ASIC2: variants seen among roughly 807,000 people sequenced by gnomAD.
The protein encoded by ASIC2 is acid sensing ion channel subunit 2, also known as acid-sensing ion channel 2.
In ASIC2, 25 loss-of-function variants were observed where a neutral mutation model predicts 57.3. The observed-to-expected ratio is 0.44, with a 90% CI of 0.32 to 0.61. The LOEUF is 0.61. Among genes scored for constraint, ASIC2 ranks in the 20% least tolerant of loss-of-function variants. ASIC2 has a pLI of 0.06. For missense variants in ASIC2, 641 were observed against 738.1 expected, an observed-to-expected ratio of 0.87 and a Z score of 1.52; for synonymous variants, 319 against 307.5, an observed-to-expected ratio of 1.04 and a Z score of -0.39.
At chr17:34,048,870 T>C (rs1908436381) in intron 1 of ASIC2, among the ~76,000 whole-genome samples, 2 of 152,254 alleles carry the variant, frequency 1.3e-5, no homozygotes, top group South Asian at 4.1e-4. Flanking sequence ...TTGATTGACT[T>C]GGGGGCTCTG....
At chr17:33,084,885 C>T (rs138746495) in intron 3 of ASIC2, among the ~76,000 whole-genome samples, 2 of 152,212 alleles carry the variant, frequency 1.3e-5, no homozygotes, top group Non-Finnish European at 2.9e-5. Flanking sequence ...GTTTTTAGGG[C>T]AAATGCAGGT....
intron 1 of ASIC2, among the ~76,000 whole-genome samples, chr17:33,732,383 C>T (rs1210975629): frequency 6.6e-6 from 1 of 152,150 alleles, no homozygotes; most frequent in African/African-American, 2.4e-5. Flanking sequence ...AAATCCCTGC[C>T]CTCCAGAACT....
At chr17:33,655,456 A>G (rs1052208677) in intron 1 of ASIC2, among the ~76,000 whole-genome samples, 6 of 152,206 alleles carry the variant, frequency 3.9e-5, no homozygotes, top group African/African-American at 1.4e-4. Flanking sequence ...CATTCCTTCT[A>G]GCTGCCATTG....
chr17:34,154,138 C>T (rs547721536), intron 1 of ASIC2, among the ~76,000 whole-genome samples: 34 of 152,264 alleles, frequency 2.2e-4, no homozygotes, highest in African/African-American at 8.2e-4. Flanking sequence ...CTGTGTGTTC[C>T]ATGTGTGTTC....
intron 1 of ASIC2, among the ~76,000 whole-genome samples, chr17:33,344,016 G>C (rs984309180): frequency 6.6e-6 from 1 of 152,158 alleles, no homozygotes; most frequent in African/African-American, 2.4e-5. Context: ...GCTGAGTTGC[G>C]TGTTCCAGCA....
intron 1 of ASIC2, chr17:34,003,221 C>T (rs925542889): frequency 6.6e-6 from 1 of 152,154 alleles, no homozygotes; most frequent in Non-Finnish European, 1.5e-5. Context: ...GGCTCTGTAA[C>T]TTAATTACTA....
At chr17:34,047,893 T>G (rs1597992737) in intron 1 of ASIC2, among the ~76,000 whole-genome samples, 1 of 152,196 alleles carries the variant, frequency 6.6e-6, no homozygotes, top group East Asian at 1.9e-4. Context: ...AGTAAATCAA[T>G]AAATCATAAA....
intron 1 of ASIC2, among the ~76,000 whole-genome samples, chr17:33,838,554 G>T (rs546519662): frequency 6.6e-6 from 1 of 152,312 alleles, no homozygotes; most frequent in South Asian, 2.1e-4. Context: ...GATAGTACTT[G>T]AATCAGGAGT....
chr17:33,119,844 A>G (rs1478083835), intron 1 of ASIC2, among the ~76,000 whole-genome samples: 2 of 152,328 alleles, frequency 1.3e-5, no homozygotes, highest in African/African-American at 2.4e-5. Context: ...GCCCTTCCCA[A>G]TCAGGAGGCC....
chr17:33,782,018 A>G (rs1057201501), intron 1 of ASIC2, among the ~76,000 whole-genome samples: 4 of 152,078 alleles, frequency 2.6e-5, no homozygotes, highest in Non-Finnish European at 1.5e-5. Context: ...CTTGCAATGC[A>G]TTCTCCCACA....
At chr17:33,925,774 A>G (rs1915809966) in intron 1 of ASIC2, among the ~76,000 whole-genome samples, 1 of 152,182 alleles carries the variant, frequency 6.6e-6, no homozygotes, top group Non-Finnish European at 1.5e-5. Flanking sequence ...TCTTGTGCCC[A>G]TGGTATGGAG....
At chr17:34,121,493 C>A (rs1461513868) in intron 1 of ASIC2, among the ~76,000 whole-genome samples, 1 of 152,180 alleles carries the variant, frequency 6.6e-6, no homozygotes, top group Non-Finnish European at 1.5e-5. Flanking sequence ...TATCTTCTCA[C>A]ATGGAGCATT....
intron 1 of ASIC2, among the ~76,000 whole-genome samples, chr17:34,092,895 G>A (rs1910382575): frequency 6.6e-6 from 1 of 151,962 alleles, no homozygotes; most frequent in Non-Finnish European, 1.5e-5. Flanking sequence ...ATTTATCCCT[G>A]GACAACATAT....
chr17:34,048,333 A>G (rs1307214581), intron 1 of ASIC2, among the ~76,000 whole-genome samples: 1 of 152,340 alleles, frequency 6.6e-6, no homozygotes, highest in East Asian at 1.9e-4. Flanking sequence ...AAAACTTACC[A>G]ACTTCTTGTA....
At chr17:33,518,706 G>A (rs182831689) in intron 1 of ASIC2, among the ~76,000 whole-genome samples, 2 of 152,298 alleles carry the variant, frequency 1.3e-5, no homozygotes, top group African/African-American at 4.8e-5. Flanking sequence ...CAATATATGA[G>A]ATAATATTAT....
intron 1 of ASIC2, among the ~76,000 whole-genome samples, chr17:33,753,880 C>T (rs1487757756): frequency 6.6e-6 from 1 of 152,148 alleles, no homozygotes; most frequent in East Asian, 1.9e-4. Flanking sequence ...GTCACTTTAA[C>T]AGTAACAATG....
chr17:34,106,663 T>G (rs1464734288), intron 1 of ASIC2, among the ~76,000 whole-genome samples: 1 of 152,188 alleles, frequency 6.6e-6, no homozygotes, highest in Non-Finnish European at 1.5e-5. Flanking sequence ...TTCATTACTA[T>G]CCTTAATCAT....
chr17:33,188,921 A>G (rs1906307664), intron 1 of ASIC2, among the ~76,000 whole-genome samples: 1 of 152,192 alleles, frequency 6.6e-6, no homozygotes, highest in Admixed American at 6.5e-5. Flanking sequence ...TTAAAAGATT[A>G]TTTTAAAAAG....
intron 1 of ASIC2, among the ~76,000 whole-genome samples, chr17:33,338,775 G>T (rs1298623045): frequency 6.6e-6 from 1 of 152,140 alleles, no homozygotes; most frequent in Non-Finnish European, 1.5e-5. Flanking sequence ...TGTCTAAAAA[G>T]ACTATAATAT....
Sources: allele counts gnomAD v4.1 joint callset (sites outside exome capture counted in the v4.1 genomes callset), GRCh38; gene constraint gnomAD v4.1.1; transcripts MANE v1.5; gene names NCBI Gene and HGNC (gene_info 2026-07-23, HGNC 2026-07-21).